The following CNTNAP5 variants were observed in gnomAD, a reference collection of about 807,000 sequenced individuals.
The protein encoded by CNTNAP5 is contactin associated protein family member 5.
In CNTNAP5, 72 loss-of-function variants were observed where a neutral mutation model predicts 150.2. The observed-to-expected ratio is 0.48, with a 90% confidence interval of 0.40 to 0.58. CNTNAP5 has a LOEUF of 0.58. Among genes scored for constraint, CNTNAP5 ranks in the 20% least tolerant of loss-of-function variants. The probability of loss-of-function intolerance (pLI) is 0.00; values close to 1 mark genes in which losing one functional copy is unlikely to be tolerated. For missense variants in CNTNAP5, 1,636 were observed against 1,626.2 expected (o/e 1.01, Z -0.10); for synonymous variants, 672 against 619.8 (o/e 1.08, Z -1.25).
At chr2:124,139,468 C>T (rs1450994222) in intron 1 of CNTNAP5, among the ~76,000 whole-genome samples, 1 of 152,110 alleles carries the variant, frequency 6.6e-6, no homozygotes, top group Non-Finnish European at 1.5e-5. Flanking sequence ...CCATGATCTG[C>T]CCTCTCTTGG....
chr2:124,166,740 T>C (rs1451191733), intron 1 of CNTNAP5, among the ~76,000 whole-genome samples: 2 of 152,148 alleles, frequency 1.3e-5, no homozygotes, highest in African/African-American at 4.8e-5. Context: ...ATCAGACAAT[T>C]AGGCTTTATG....
At chr2:124,315,578 G>A (rs1055420532) in intron 3 of CNTNAP5, among the ~76,000 whole-genome samples, 1 of 152,050 alleles carries the variant, frequency 6.6e-6, no homozygotes, top group South Asian at 2.1e-4. Context: ...TTAATTTAAT[G>A]TTTAGTATAA....
chr2:124,681,525 A>C (rs1679068777), intron 13 of CNTNAP5, among the ~76,000 whole-genome samples: 1 of 151,912 alleles, frequency 6.6e-6, no homozygotes, highest in African/African-American at 2.4e-5. Flanking sequence ...GCAGCTTCTA[A>C]GTTCTCTTCT....
intron 1 of CNTNAP5, among the ~76,000 whole-genome samples, chr2:124,098,335 G>A (rs140192521): frequency 6.6e-6 from 1 of 152,108 alleles, no homozygotes; most frequent in African/African-American, 2.4e-5. Context: ...GAAGGAAGAG[G>A]GGGGAATTGG....
chr2:124,906,084 A>AAAG (rs1268610216), intron 22 of CNTNAP5, among the ~76,000 whole-genome samples: 3 of 134,656 alleles, frequency 2.2e-5, no homozygotes, highest in African/African-American at 9.1e-5. Flanking sequence ...TCAAGATGTC[A>AAAG]AAGCATCATA....
chr2:124,615,871 C>T (rs936667429), intron 12 of CNTNAP5, among the ~76,000 whole-genome samples: 4 of 152,272 alleles, frequency 2.6e-5, no homozygotes, highest in South Asian at 4.1e-4. Flanking sequence ...CAACATTAAC[C>T]TCTTTGTAGA....
chr2:124,362,477 T>C (rs1573942660), intron 3 of CNTNAP5, among the ~76,000 whole-genome samples: 1 of 152,346 alleles, frequency 6.6e-6, no homozygotes, highest in East Asian at 1.9e-4. Flanking sequence ...TTCTACTTAT[T>C]TTTATATTAC....
chr2:124,084,799 C>T (rs1275584474), intron 1 of CNTNAP5, among the ~76,000 whole-genome samples: 1 of 151,732 alleles, frequency 6.6e-6, no homozygotes, highest in African/African-American at 2.4e-5. Context: ...CTCTGTTTTC[C>T]AGAAGAGATA....
In CNTNAP5 at chr2:124,419,937, TTTC is replaced by T. The variant is rs1408803890; in HGVS notation, c.529+2350_529+2352del. Among the ~76,000 whole-genome samples the T allele has an allele frequency of 5.1e-3, 658 of 129,108 alleles. 8 individuals carry two copies. The highest frequency in any genetic ancestry group is 0.019 in the African/African-American group (613 of 32,086). The allele number at this position is 129,108 out of a possible 152,430, so 84.7% of individuals were successfully genotyped here. The stretch of plus-strand genomic sequence containing the variant: ...CTTTCTTTCTTTCTTTCTTTCTTTC[TTTC>T]TTTCTTTCTTTCTTTCCTTTTCTCT... On this transcript the variant is annotated intron_variant, in intron 4 of 23. Transcript: ENST00000682447.
chr2:124,096,697 T>C (rs1488567211), intron 1 of CNTNAP5, among the ~76,000 whole-genome samples: 3 of 151,932 alleles, frequency 2.0e-5, no homozygotes, highest in African/African-American at 7.2e-5. Context: ...CTTTTATTAT[T>C]ATTATTATTT....
Position 124,480,531 on chromosome 2 carries a change from T to TAC in CNTNAP5, c.1062+5658_1062+5659dup, listed in dbSNP as rs369349955. On this transcript the variant is annotated intron_variant, in intron 7 of 23. Transcript: ENST00000682447. ...CATCTGCAGGTGCACACATATAACA[T>TAC]ACACACACACGTAGTGACAGGCACC... Among the ~76,000 whole-genome samples, 554 of 152,230 alleles carry TAC rather than the reference T, an allele frequency of 3.6e-3. 5 individuals carry two copies. Among genetic ancestry groups the TAC allele is most frequent in the African/African-American group, 0.012 (500 of 41,524 alleles).
At chr2:124,544,465 C>T (rs957797177) in intron 10 of CNTNAP5, among the ~76,000 whole-genome samples, 1 of 152,166 alleles carries the variant, frequency 6.6e-6, no homozygotes, top group Non-Finnish European at 1.5e-5. Context: ...TCTTCTCAGA[C>T]TGAGTTGGAA....
At chr2:124,585,724 G>A (rs1269961786) in intron 11 of CNTNAP5, among the ~76,000 whole-genome samples, 1 of 148,046 alleles carries the variant, frequency 6.8e-6, no homozygotes, top group Non-Finnish European at 1.5e-5. Context: ...AGTACTTGGG[G>A]TATTGGTTTC....
At chr2:124,862,876 G>A (rs1677555491) in intron 19 of CNTNAP5, among the ~76,000 whole-genome samples, 1 of 152,216 alleles carries the variant, frequency 6.6e-6, no homozygotes. Flanking sequence ...AAGAGGCACT[G>A]ATTGCATCAA....
At chr2:124,341,962 C>T (rs1689629747) in intron 3 of CNTNAP5, among the ~76,000 whole-genome samples, 1 of 152,100 alleles carries the variant, frequency 6.6e-6, no homozygotes, top group African/African-American at 2.4e-5. Context: ...ATTGGAAATG[C>T]TGTAATAGTT....
intron 3 of CNTNAP5, among the ~76,000 whole-genome samples, chr2:124,284,510 G>C (rs919048427): frequency 1.3e-5 from 2 of 152,032 alleles, no homozygotes; most frequent in African/African-American, 2.4e-5. Flanking sequence ...TGCGTGTGGG[G>C]CTTAATTCCT....
At chr2:124,233,510 T>C (rs924758593) in intron 2 of CNTNAP5, among the ~76,000 whole-genome samples, 2 of 152,074 alleles carry the variant, frequency 1.3e-5, no homozygotes, top group Non-Finnish European at 2.9e-5. Context: ...TTCACCAGCT[T>C]CCACAATTTG....
At chr2:124,850,782 G>A (rs1362140992) in intron 19 of CNTNAP5, among the ~76,000 whole-genome samples, 1 of 152,032 alleles carries the variant, frequency 6.6e-6, no homozygotes, top group African/African-American at 2.4e-5. Context: ...AACTAGGAGA[G>A]AAAAATATTA....
chr2:124,736,786 T>C (rs1167037966), intron 13 of CNTNAP5, among the ~76,000 whole-genome samples: 1 of 152,158 alleles, frequency 6.6e-6, no homozygotes, highest in African/African-American at 2.4e-5. Flanking sequence ...TAGAAAATCT[T>C]TCTGGGTTGT....
Sources: gnomAD v4.1 joint callset for allele counts (sites outside exome capture counted in the v4.1 genomes callset) on GRCh38, gnomAD v4.1.1 for gene constraint, MANE v1.5 for transcripts, NCBI Gene and HGNC (gene_info 2026-07-23, HGNC 2026-07-21) for gene names.